The following POU2AF3 variants were observed in gnomAD, a reference collection of about 807,000 sequenced individuals.
POU2AF3 encodes the protein cancer susceptibility candidate 13.
the POU2AF3 span, among the ~76,000 whole-genome samples, chr11:111,307,361 T>C: frequency 6.6e-6 from 1 of 152,236 alleles, no homozygotes; most frequent in African/African-American, 2.4e-5. Context: ...ATGTAAATAC[T>C]TTTTGCCTTT....
the POU2AF3 span, chr11:111,300,376 T>G: frequency 2.7e-6 from 1 of 368,562 alleles, no homozygotes; most frequent in African/African-American, 2.1e-5. Context: ...TTGAAATGTT[T>G]GGGTTTTTAC....
chr11:111,307,266 T>C, the POU2AF3 span, among the ~76,000 whole-genome samples: 18 of 152,218 alleles, frequency 1.2e-4, no homozygotes, highest in Non-Finnish European at 2.4e-4. Flanking sequence ...TTTCTATTAG[T>C]GGAAACTAGT....
chr11:111,306,417 A>G, the POU2AF3 span: 2 of 1,464,746 alleles, frequency 1.4e-6, no homozygotes, highest in Non-Finnish European at 1.8e-6. Context: ...GCCTGAACCA[A>G]TTTCTTCCAC....
At chr11:111,306,318 C>G in the POU2AF3 span, 1 of 750,024 alleles carries the variant, frequency 1.3e-6, no homozygotes, top group South Asian at 2.7e-5. Flanking sequence ...AGTAAATATT[C>G]AGAGTATAGA....
At chr11:111,304,964 G>T in the POU2AF3 span, 1 of 1,232,912 alleles carries the variant, frequency 8.1e-7, no homozygotes, top group Non-Finnish European at 1.0e-6. Flanking sequence ...TTCAGACCCA[G>T]TTGCACCATC....
At chr11:111,308,012 T>G in the POU2AF3 span, 3 of 1,439,452 alleles carry the variant, frequency 2.1e-6, no homozygotes, top group South Asian at 4.5e-5. Context: ...CACTGTTCAG[T>G]TCTTTGATCC....
the POU2AF3 span, chr11:111,298,827 C>CGGGGCG: frequency 3.5e-5 from 22 of 631,556 alleles, no homozygotes; most frequent in Non-Finnish European, 4.5e-5. Flanking sequence ...GTACCCCAGG[C>CGGGGCG]CCCCGCCCGC....
chr11:111,299,030 C>T, the POU2AF3 span: 1 of 992,120 alleles, frequency 1.0e-6, no homozygotes. Flanking sequence ...AGTCCGGAGC[C>T]GATCGGGGAA....
chr11:111,307,772 A>G, the POU2AF3 span, among the ~76,000 whole-genome samples: 39 of 152,336 alleles, frequency 2.6e-4, no homozygotes, highest in Admixed American at 2.3e-3. Context: ...TTGAAGCACA[A>G]TGGGATTTTG....
chr11:111,300,415 T>G, the POU2AF3 span: 1 of 393,634 alleles, frequency 2.5e-6, no homozygotes, highest in Non-Finnish European at 4.4e-6. Context: ...GTGTGTGTTC[T>G]CCGAACTTAG....
chr11:111,298,829 C>CGGGGGGG, the POU2AF3 span: 1 of 388,152 alleles, frequency 2.6e-6, no homozygotes, highest in South Asian at 1.6e-4. Context: ...ACCCCAGGCC[C>CGGGGGGG]CCGCCCGCCC....
At chr11:111,298,824 A>AGGCCGGGGG in the POU2AF3 span, 7 of 903,144 alleles carry the variant, frequency 7.8e-6, no homozygotes, top group Non-Finnish European at 7.2e-6. Context: ...CGCGTACCCC[A>AGGCCGGGGG]GGCCCCCGCC....
At chr11:111,298,725 G>A in the POU2AF3 span, 4 of 1,098,326 alleles carry the variant, frequency 3.6e-6, no homozygotes, top group Non-Finnish European at 4.6e-6. Context: ...GGGATCCGGA[G>A]AGGACGCGAG....
chr11:111,299,885 T>C, the POU2AF3 span: 3 of 492,590 alleles, frequency 6.1e-6, no homozygotes, highest in Non-Finnish European at 9.6e-6. Flanking sequence ...CTGGCCCCTT[T>C]ACTAGGTCAG....
chr11:111,301,265 C>A, the POU2AF3 span, among the ~76,000 whole-genome samples: 2 of 152,206 alleles, frequency 1.3e-5, no homozygotes, highest in Admixed American at 6.5e-5. Context: ...ACTTTATACA[C>A]CTTCCTACGG....
the POU2AF3 span, chr11:111,299,876 T>A: frequency 1.9e-6 from 1 of 537,502 alleles, no homozygotes; most frequent in Non-Finnish European, 2.8e-6. Context: ...TCCTCGGGCC[T>A]GGCCCCTTTA....
the POU2AF3 span, chr11:111,308,673 A>T: frequency 2.8e-6 from 1 of 353,888 alleles, no homozygotes. Flanking sequence ...CAATTGTTTT[A>T]CTTTTTGTAT....
At chr11:111,306,787 G>A in the POU2AF3 span, among the ~76,000 whole-genome samples, 1 of 152,202 alleles carries the variant, frequency 6.6e-6, no homozygotes, top group African/African-American at 2.4e-5. Context: ...TATAGAAGTA[G>A]CCACACACTG....
chr11:111,307,158 G>A, the POU2AF3 span, among the ~76,000 whole-genome samples: 1 of 151,854 alleles, frequency 6.6e-6, no homozygotes, highest in African/African-American at 2.4e-5. Flanking sequence ...GAGATGGTTA[G>A]TAAAAATGAA....
Sources: gnomAD v4.1 joint callset for allele counts (sites outside exome capture counted in the v4.1 genomes callset) on GRCh38, gnomAD v4.1.1 for gene constraint, MANE v1.5 for transcripts, NCBI Gene and HGNC (gene_info 2026-07-23, HGNC 2026-07-21) for gene names.